IMMP2L: variants seen among roughly 807,000 people sequenced by gnomAD.
The protein encoded by IMMP2L is inner mitochondrial membrane peptidase subunit 2.
In IMMP2L, 18 loss-of-function variants were observed where a neutral mutation model predicts 19.3. That is an observed-to-expected ratio of 0.93 (90% confidence interval 0.64 to 1.38). The LOEUF is 1.38. Among genes scored for constraint, IMMP2L ranks in the 40% most tolerant of loss-of-function variants. The pLI, the probability that IMMP2L is intolerant of heterozygous loss-of-function variation, is 0.00. For synonymous variants in IMMP2L, 76 were observed against 73.0 expected (o/e 1.04, Z -0.21); for missense variants, 233 against 218.2 (o/e 1.07, Z -0.43).
chr7:110,926,128 T>C (rs748299239), intron 4 of IMMP2L, among the ~76,000 whole-genome samples: 14 of 152,068 alleles, frequency 9.2e-5, no homozygotes, highest in Non-Finnish European at 1.9e-4. Context: ...TTTTGGTGAT[T>C]TTCAGTATTC....
intron 3 of IMMP2L, chr7:111,483,703 C>T (rs191752421): frequency 6.6e-6 from 1 of 152,288 alleles, no homozygotes; most frequent in Admixed American, 6.5e-5. Flanking sequence ...ATAGAAAGGA[C>T]AGTCTGCTTT....
At chr7:110,843,911 T>C (rs73419239) in intron 5 of IMMP2L, among the ~76,000 whole-genome samples, 11,033 of 152,014 alleles carry the variant, frequency 0.073, 1,388 homozygotes, top group African/African-American at 0.25. Context: ...GCAGGGCACA[T>C]GAGTGAAAGG....
intron 3 of IMMP2L, among the ~76,000 whole-genome samples, chr7:111,289,161 CACA>C (rs1164075466): frequency 6.6e-6 from 1 of 151,754 alleles, no homozygotes; most frequent in Non-Finnish European, 1.5e-5. Context: ...AGCAAACTAA[CACA>C]ACAACAGAAA....
intron 3 of IMMP2L, among the ~76,000 whole-genome samples, chr7:111,158,433 G>A (rs937112947): frequency 6.6e-6 from 1 of 152,010 alleles, no homozygotes; most frequent in East Asian, 1.9e-4. Context: ...ACTAAACACT[G>A]TTCACTACAT....
chr7:110,728,374 C>G lies in IMMP2L; in HGVS notation c.409-64653G>C, dbSNP rs139225464. On this transcript the variant is annotated intron_variant, in intron 5 of 5. Coordinates refer to ENST00000405709, the MANE Select transcript of IMMP2L (RefSeq NM_032549.4). This position sits in a 1 kb window ranked among gnomAD's most constrained non-coding sequence, Gnocchi z 4.6. ...ATTAGCTGGGCATAGTGGTGTGTGCCTGTAAACCCAGCTACTCGGGAGGCT... is the reference window on the plus strand; with the variant it reads ...ATTAGCTGGGCATAGTGGTGTGTGCGTGTAAACCCAGCTACTCGGGAGGCT... 6.2e-3 allele frequency among the ~76,000 whole-genome samples: 946 copies of G among 152,072 alleles called. 6 individuals carry two copies. Among genetic ancestry groups the G allele is most frequent in the African/African-American group, 0.022 (896 of 41,456 alleles).
chr7:110,834,894 G>A (rs1804298615), intron 5 of IMMP2L, among the ~76,000 whole-genome samples: 1 of 152,108 alleles, frequency 6.6e-6, no homozygotes, highest in African/African-American at 2.4e-5. Context: ...TGAAATAGGT[G>A]CTTTTTCCCA....
rs533983440 is a variant in IMMP2L, at chr7:110,953,777, CCCA to C, written c.305+9720_305+9722del. On this transcript the variant is annotated intron_variant, in intron 4 of 5. Coordinates refer to ENST00000405709, the MANE Select transcript of IMMP2L (RefSeq NM_032549.4). ...CACAATGGTTGAACTAATTTACACT[CCCA>C]CCAACAGTGTAAAAGCATTTCTATT... Among the ~76,000 whole-genome samples the C allele has an allele frequency of 1.6e-4, 24 of 152,242 alleles. No homozygotes were observed. In the South Asian group the frequency reaches 5.0e-3, roughly 32 times the overall value.
chr7:111,295,606 T>A (rs573557322), intron 3 of IMMP2L, among the ~76,000 whole-genome samples: 1 of 151,916 alleles, frequency 6.6e-6, no homozygotes, highest in Admixed American at 6.6e-5. Context: ...AATCTTATTA[T>A]ACGGTTATTC....
At chr7:111,455,504 A>T (rs1159924041) in intron 3 of IMMP2L, among the ~76,000 whole-genome samples, 8 of 152,146 alleles carry the variant, frequency 5.3e-5, no homozygotes, top group African/African-American at 1.7e-4. Context: ...TCCCATTCAA[A>T]TTACTCAAAA....
chr7:111,135,613 A>G (rs1802259134), intron 3 of IMMP2L, among the ~76,000 whole-genome samples: 1 of 152,226 alleles, frequency 6.6e-6, no homozygotes, highest in Admixed American at 6.5e-5. Context: ...TACCATCATG[A>G]TGCCACATTA....
At chr7:111,000,946 A>C (rs1823610964) in intron 3 of IMMP2L, among the ~76,000 whole-genome samples, 1 of 152,178 alleles carries the variant, frequency 6.6e-6, no homozygotes, top group African/African-American at 2.4e-5. Context: ...CAAATGTACC[A>C]GAATGATAAT....
intron 5 of IMMP2L, among the ~76,000 whole-genome samples, chr7:110,712,529 G>A (rs1382709990): frequency 3.8e-5 from 1 of 26,510 alleles, no homozygotes; most frequent in African/African-American, 1.6e-4. Flanking sequence ...GAGCTGTGGT[G>A]GGCTCCACCC....
At chr7:111,439,573 A>G (rs1426613790) in intron 3 of IMMP2L, among the ~76,000 whole-genome samples, 1 of 151,950 alleles carries the variant, frequency 6.6e-6, no homozygotes, top group Admixed American at 6.6e-5. Context: ...TTTTTAAAAT[A>G]CTTCATTGCT....
intron 3 of IMMP2L, among the ~76,000 whole-genome samples, chr7:111,174,077 G>A (rs1055549092): frequency 1.3e-5 from 2 of 151,590 alleles, no homozygotes; most frequent in African/African-American, 4.8e-5. Flanking sequence ...ATATCATAAA[G>A]AAAAATTATA....
intron 5 of IMMP2L, among the ~76,000 whole-genome samples, chr7:110,704,413 T>C (rs919086034): frequency 2.6e-5 from 4 of 152,232 alleles, no homozygotes; most frequent in African/African-American, 9.6e-5. Flanking sequence ...TTCCAATGCA[T>C]GATGTAACTA....
chr7:110,904,173 T>A (rs182163584), intron 4 of IMMP2L, among the ~76,000 whole-genome samples: 23 of 152,326 alleles, frequency 1.5e-4, no homozygotes, highest in Non-Finnish European at 2.8e-4. Context: ...GATATATAGT[T>A]TGTAAATATT....
chr7:111,274,062 T>C (rs1382918798), intron 3 of IMMP2L, among the ~76,000 whole-genome samples: 1 of 152,120 alleles, frequency 6.6e-6, no homozygotes, highest in Non-Finnish European at 1.5e-5. Flanking sequence ...ACTCTGCCAA[T>C]GACACCCAAA....
chr7:111,511,261 C>CA (rs1474956211), intron 2 of IMMP2L, among the ~76,000 whole-genome samples: 2 of 151,992 alleles, frequency 1.3e-5, no homozygotes, highest in Non-Finnish European at 2.9e-5. Context: ...GAAATGACAC[C>CA]ATCGCTCCCC....
chr7:111,302,806 A>G (rs966275363), intron 3 of IMMP2L, among the ~76,000 whole-genome samples: 5 of 151,738 alleles, frequency 3.3e-5, no homozygotes, highest in African/African-American at 1.2e-4. Flanking sequence ...AAATATTGCC[A>G]TATAAGGAAA....
Sources: allele counts gnomAD v4.1 joint callset (sites outside exome capture counted in the v4.1 genomes callset), GRCh38; gene constraint gnomAD v4.1.1; non-coding constraint Gnocchi (gnomAD v3.1); transcripts MANE v1.5; gene names NCBI Gene and HGNC (gene_info 2026-07-23, HGNC 2026-07-21).